Variants in ZFYVE26 observed in about 807,000 individuals in gnomAD.
ZFYVE26 encodes zinc finger FYVE domain-containing protein 26.
In ZFYVE26, 181 loss-of-function variants were observed where a neutral mutation model predicts 276.5. The observed-to-expected ratio is 0.65, with a 90% CI of 0.58 to 0.74. The LOEUF is 0.74. ZFYVE26 is among the 30% of genes least tolerant of loss of function. The pLI is 0.00. For synonymous variants in ZFYVE26, 1,129 were observed against 1,203.1 expected (o/e 0.94, Z 1.27); for missense variants, 2,821 against 3,097.9 (o/e 0.91, Z 2.12).
chr14:67,816,224 G>A (rs2040406090), intron 1 of ZFYVE26, among the ~76,000 whole-genome samples, 178 bp from the exon 2 acceptor site: 1 of 152,112 alleles, frequency 6.6e-6, no homozygotes, highest in Non-Finnish European at 1.5e-5. Context: ...ATCTCTTCAC[G>A]CGGATTCCTA....
rs2040011678 is a variant in ZFYVE26 at position 67,798,639 on chromosome 14, A to G, written c.1640-17T>C. The G allele has an allele frequency of 1.2e-6, 2 of 1,613,640 alleles. No individual in the cohort carries two copies. The highest frequency in any genetic ancestry group is 1.7e-6 in the Non-Finnish European group (2 of 1,180,020). ...TTGCAGCACCTACAAAAACATGTAC[A>G]AGAGAAGAGGCCAGAGAAAGAGAAG... On this transcript the variant is annotated splice_polypyrimidine_tract_variant and intron_variant, in intron 10 of 41. Coordinates refer to ENST00000347230, the MANE Select transcript of ZFYVE26 (RefSeq NM_015346.4).
rs374118725 is a variant in ZFYVE26 at position 67,730,257 on chromosome 14, C to T, written n.2680-438G>A. Among the ~76,000 whole-genome samples, 7 of 152,260 alleles carry T rather than the reference C, an allele frequency of 4.6e-5. No individual in the cohort carries two copies. In the East Asian group the frequency reaches 1.3e-3, roughly 29 times the overall value. On this transcript the variant is annotated intron_variant and non_coding_transcript_variant, in intron 13 of 14. Transcript: ENST00000394455. ...TTATAAGTGGTAGATCTGGGATTTA[C>T]GCCCTGGCAATCTGGCTCTAGAGCT...
At chr14:67,736,326 A>G (rs1045480432) in intron 13 of ZFYVE26, among the ~76,000 whole-genome samples, 2 of 152,260 alleles carry the variant, frequency 1.3e-5, no homozygotes, top group Non-Finnish European at 2.9e-5. Flanking sequence ...TTCTACGGCT[A>G]TCATATTCTC....
Position 67,750,820 on chromosome 14 carries a change from T to G in ZFYVE26, c.7416+232A>C, listed in dbSNP as rs148375304. On this transcript the variant is annotated intron_variant, in intron 41 of 41. Coordinates refer to ENST00000347230, the MANE Select transcript of ZFYVE26 (RefSeq NM_015346.4). ...AAGAGCAGCCTAGGACATGTTTGTCTTGGGGATAAAGACTTGGGAAGGCAA... is the reference window on the plus strand; with the variant it reads ...AAGAGCAGCCTAGGACATGTTTGTCGTGGGGATAAAGACTTGGGAAGGCAA... The G allele has an allele frequency of 7.4e-4, 457 of 614,244 alleles. 6 individuals carry two copies. In the East Asian group the frequency reaches 0.011, roughly 15 times the overall value. 38.0% of individuals were successfully genotyped at this position (614,244 alleles called of 1,614,324 possible).
chr14:67,783,846 C>T (rs1318702312), intron 20 of ZFYVE26, among the ~76,000 whole-genome samples: 4 of 152,076 alleles, frequency 2.6e-5, no homozygotes, highest in Admixed American at 2.0e-4. Context: ...TCTGTTGGTA[C>T]TATATACAAG....
At chr14:67,768,649 T>C (rs1022394972) in intron 29 of ZFYVE26, 101 bp from the exon 30 acceptor site, 34 of 1,132,236 alleles carry the variant, frequency 3.0e-5, no homozygotes, top group Admixed American at 1.4e-4. Context: ...CCTGGTACAA[T>C]GGAGGGCTCT....
intron 23 of ZFYVE26, among the ~76,000 whole-genome samples, chr14:67,779,468 AG>A (rs2039438231): frequency 6.6e-6 from 1 of 152,190 alleles, no homozygotes; most frequent in Non-Finnish European, 1.5e-5. Flanking sequence ...AGCCTGAGGC[AG>A]GAGAATCATC....
intron 27 of ZFYVE26, among the ~76,000 whole-genome samples, chr14:67,773,585 C>T (rs1209876785): frequency 6.6e-6 from 1 of 150,894 alleles, no homozygotes; most frequent in Non-Finnish European, 1.5e-5. Flanking sequence ...CAAAGCTGCT[C>T]AGGCTGCCAT....
chr14:67,761,141 C>T (rs982090430), intron 35 of ZFYVE26: 21 of 666,424 alleles, frequency 3.2e-5, no homozygotes, highest in African/African-American at 2.7e-4. Context: ...ATGAAACATG[C>T]CTTTGCTGGT....
chr14:67,741,952 C>T (rs1299605804), downstream of ZFYVE26, among the ~76,000 whole-genome samples: 5 of 152,256 alleles, frequency 3.3e-5, no homozygotes, highest in African/African-American at 1.2e-4. Flanking sequence ...CAACTTTCTT[C>T]CTTGCTGATT....
chr14:67,811,277 T>G (rs1403263121), intron 3 of ZFYVE26, among the ~76,000 whole-genome samples: 1 of 152,188 alleles, frequency 6.6e-6, no homozygotes, highest in East Asian at 1.9e-4. Context: ...TTAAACATAT[T>G]CAGGATCATA....
chr14:67,755,167 T>A lies in ZFYVE26; in HGVS notation c.6870A>T (p.Ser2290=). 6.2e-7 allele frequency: 1 copy of A among 1,614,224 alleles called. No individual in the cohort carries two copies. Among genetic ancestry groups the A allele is most frequent in the East Asian group, 2.2e-5 (1 of 44,884 alleles). ...KSYTELGEKL[S]WLLKAKDHLK... ...GGTGGTCCTTGGCCTTAAGTAGCCA[T>A]GAGAGCTTCTCTCCCAGTTCTGTAT... The change falls in exon 37 of 42, where the codon TCA becomes TCT. Residue 2290 remains serine, a synonymous_variant. Coordinates refer to ENST00000347230, the MANE Select transcript of ZFYVE26 (RefSeq NM_015346.4).
intron 13 of ZFYVE26, among the ~76,000 whole-genome samples, chr14:67,741,102 G>A (rs1380948079): frequency 6.6e-6 from 1 of 152,106 alleles, no homozygotes; most frequent in Non-Finnish European, 1.5e-5. Context: ...TAATGAATTT[G>A]TCTTTTCTCT....
chr14:67,764,972 T>C (rs939855538), intron 32 of ZFYVE26, among the ~76,000 whole-genome samples: 11 of 152,326 alleles, frequency 7.2e-5, no homozygotes, highest in Middle Eastern at 3.4e-3. Flanking sequence ...TTGAGATATA[T>C]TTGAATATAT....
At chr14:67,776,783 A>T (rs1418728016) in intron 25 of ZFYVE26, among the ~76,000 whole-genome samples, 1 of 152,212 alleles carries the variant, frequency 6.6e-6, no homozygotes, top group East Asian at 1.9e-4. Flanking sequence ...GCTACAGCAC[A>T]TTGGGTGTAT....
intron 31 of ZFYVE26, 101 bp from the exon 32 acceptor site, chr14:67,766,548 G>A: frequency 9.0e-7 from 1 of 1,117,060 alleles, no homozygotes; most frequent in Non-Finnish European, 1.3e-6. Context: ...CCTTTCAAAA[G>A]GCTGAAAGAC....
At position 67,789,369 on chromosome 14, in the gene ZFYVE26, G is replaced by A. The variant is rs772468217; in HGVS notation, c.2985C>T (p.Ala995=). 2.6e-5 allele frequency: 42 copies of A among 1,614,046 alleles called. No individual in the cohort carries two copies. Among genetic ancestry groups the A allele is most frequent in the South Asian group, 4.4e-5 (4 of 91,078 alleles). ...WKTCKQLLET[A]ERRLNSSLER... ...CAAGGCTACTATTCAAACGCCGTTC[G>A]GCTGTCTCCAAAAGCTGCTTGCAGG... Residue 995 remains alanine, a synonymous_variant, in exon 16 of 42, where the codon GCC becomes GCT. Transcript: ENST00000347230.
At position 67,761,321 on chromosome 14, in the gene ZFYVE26, G is replaced by A. The variant is rs777320981; in HGVS notation, c.6588+45C>T. The A allele has an allele frequency of 3.9e-6, 6 of 1,555,498 alleles. No individual in the cohort carries two copies. The East Asian group carries it at 6.9e-5, about 18-fold the overall frequency. On this transcript the variant is annotated intron_variant, in intron 35 of 41. Transcript: ENST00000347230. The stretch of plus-strand genomic sequence containing the variant: ...TTAAGGCTGAGTGGTCCAAGCCAGA[G>A]GAGTAAGGCAGGCACTGCCTTTTTG...
chr14:67,766,041 C>T (rs2039047119), intron 32 of ZFYVE26, among the ~76,000 whole-genome samples, 186 bp downstream of exon 32: 1 of 152,154 alleles, frequency 6.6e-6, no homozygotes, highest in African/African-American at 2.4e-5. Context: ...CACAGGGTGT[C>T]AGGTAGGATG....
Sources: gnomAD v4.1 joint callset for allele counts (sites outside exome capture counted in the v4.1 genomes callset) on GRCh38, gnomAD v4.1.1 for gene constraint, MANE v1.5 for transcripts, NCBI Gene and HGNC (gene_info 2026-07-23, HGNC 2026-07-21) for gene names.